Variants in CFAP54 observed in about 807,000 individuals in gnomAD.
CFAP54 encodes cilia- and flagella-associated protein 54.
Under a neutral mutation model 370.4 loss-of-function variants are expected in CFAP54, and 290 were observed. The ratio of observed to expected loss-of-function variants is 0.78; its 90% confidence interval spans 0.71 to 0.86. CFAP54 has a LOEUF of 0.86. CFAP54 is among the 40% of genes least tolerant of loss of function. The pLI, the probability that CFAP54 is intolerant of heterozygous loss-of-function variation, is 0.00. For synonymous variants in CFAP54, 1,206 were observed against 1,236.5 expected, an observed-to-expected ratio of 0.98 and a Z score of 0.52; for missense variants, 3,399 against 3,528.7, an observed-to-expected ratio of 0.96 and a Z score of 0.93.
chr12:96,505,234 T>C (rs1353322378), intron 3 of CFAP54, among the ~76,000 whole-genome samples: 1 of 151,916 alleles, frequency 6.6e-6, no homozygotes, highest in African/African-American at 2.4e-5. Flanking sequence ...CGGCTAATTT[T>C]TGTATTTTTA....
intron 65 of CFAP54, among the ~76,000 whole-genome samples, chr12:96,826,868 T>TGATATATTATATAATATATTATATAA (rs1555340404): frequency 8.6e-6 from 1 of 116,908 alleles, no homozygotes; most frequent in East Asian, 2.8e-4. Flanking sequence ...TTATATAATA[T>TGATATATTATATAATATATTATATAA]TATGATATAT....
chr12:96,516,826 C>G (rs1469274075), intron 5 of CFAP54, among the ~76,000 whole-genome samples: 2 of 152,100 alleles, frequency 1.3e-5, no homozygotes, highest in Non-Finnish European at 2.9e-5. Context: ...ACTTTAAGTC[C>G]TAACTTTGAA....
At chr12:96,746,153 C>G (rs985785784) in intron 55 of CFAP54, among the ~76,000 whole-genome samples, 6 of 152,160 alleles carry the variant, frequency 3.9e-5, no homozygotes, top group Non-Finnish European at 7.3e-5. Flanking sequence ...TTACCCCTCT[C>G]TCACATGTTT....
At chr12:96,659,793 G>A (rs1234211502) in intron 38 of CFAP54, among the ~76,000 whole-genome samples, 1 of 152,224 alleles carries the variant, frequency 6.6e-6, no homozygotes, top group Non-Finnish European at 1.5e-5. Context: ...CGTGGGGCCT[G>A]AAATCCAGCC....
chr12:96,789,609 A>T (rs1224500552), intron 62 of CFAP54, among the ~76,000 whole-genome samples: 7 of 152,324 alleles, frequency 4.6e-5, no homozygotes, highest in Non-Finnish European at 1.0e-4. Flanking sequence ...GCTCTGCTTG[A>T]GTATTTTAGT....
At chr12:96,752,126 G>T (rs1254775088) in intron 55 of CFAP54, among the ~76,000 whole-genome samples, 3 of 149,832 alleles carry the variant, frequency 2.0e-5, no homozygotes, top group African/African-American at 5.0e-5. Context: ...GAGAGAGAGA[G>T]AGAGAGATTG....
At chr12:96,644,505 G>A in intron 33 of CFAP54, 97 bp downstream of exon 33, 1 of 857,998 alleles carries the variant, frequency 1.2e-6, no homozygotes, top group African/African-American at 1.7e-5. Context: ...AACTTAAGGA[G>A]GTTTACAGAG....
At chr12:96,657,708 C>A (rs773844911) in intron 36 of CFAP54, among the ~76,000 whole-genome samples, 174 bp from the exon 37 acceptor site, 1 of 152,172 alleles carries the variant, frequency 6.6e-6, no homozygotes, top group African/African-American at 2.4e-5. Context: ...TCACAGCAAG[C>A]TTTACTGGAT....
intron 8 of CFAP54, among the ~76,000 whole-genome samples, chr12:96,526,208 C>A (rs566892959): frequency 1.7e-4 from 26 of 152,290 alleles, no homozygotes; most frequent in African/African-American, 6.3e-4. Flanking sequence ...ACTAAAACTA[C>A]GGTTCTTATT....
intron 50 of CFAP54, among the ~76,000 whole-genome samples, chr12:96,730,596 A>G (rs1957909677): frequency 6.6e-6 from 1 of 152,248 alleles, no homozygotes; most frequent in Admixed American, 6.5e-5. Flanking sequence ...ATCAAGTTAG[A>G]TGAAAAATAT....
intron 39 of CFAP54, among the ~76,000 whole-genome samples, chr12:96,664,467 C>CT (rs1481992620): frequency 2.0e-5 from 3 of 151,900 alleles, no homozygotes; most frequent in Non-Finnish European, 4.4e-5. Context: ...TGATCTAATT[C>CT]TTTTTTATGA....
At chr12:96,824,009 G>T (rs112535017) in intron 65 of CFAP54, among the ~76,000 whole-genome samples, 5 of 152,310 alleles carry the variant, frequency 3.3e-5, no homozygotes, top group South Asian at 4.1e-4. Context: ...CCAAATCTAA[G>T]AATTGGCTTT....
chr12:96,756,376 A>G (rs770669658), intron 56 of CFAP54, 82 bp from the exon 57 acceptor site: 12 of 760,130 alleles, frequency 1.6e-5, no homozygotes, highest in Non-Finnish European at 2.5e-5. Flanking sequence ...AATATTCTGA[A>G]TTTCCAGCAT....
At chr12:96,874,492 A>C (rs1960243353) in intron 67 of CFAP54, among the ~76,000 whole-genome samples, 1 of 152,070 alleles carries the variant, frequency 6.6e-6, no homozygotes, top group African/African-American at 2.4e-5. Context: ...CTGATTGGTT[A>C]ATATCAGGTT....
At chr12:96,743,013 T>C (rs1318636995) in intron 52 of CFAP54, among the ~76,000 whole-genome samples, 1 of 152,190 alleles carries the variant, frequency 6.6e-6, no homozygotes, top group African/African-American at 2.4e-5. Context: ...CAATTGTACC[T>C]ACTTTATAGG....
chr12:96,748,564 T>C (rs1421403), intron 55 of CFAP54, among the ~76,000 whole-genome samples: 130,958 of 152,172 alleles, frequency 0.86, 56,764 homozygotes, highest in African/African-American at 0.96. Context: ...CCATGTTCTC[T>C]GCAAATACCT....
chr12:96,827,037 T>TAATATGCAATTATATGTGATTATATAA (rs1959124484), intron 65 of CFAP54, among the ~76,000 whole-genome samples: 1 of 137,924 alleles, frequency 7.3e-6, no homozygotes, highest in Non-Finnish European at 1.5e-5. Context: ...TGATTATATA[T>TAATATGCAATTATATGTGATTATATAA]AATATGCAAT....
intron 14 of CFAP54, among the ~76,000 whole-genome samples, chr12:96,544,661 A>G (rs1269233693): frequency 6.6e-6 from 1 of 152,212 alleles, no homozygotes; most frequent in East Asian, 1.9e-4. Flanking sequence ...AGAGGCCAGG[A>G]AGAATCTGAA....
At chr12:96,699,501 TAAAAG>T (rs1269528955) in intron 45 of CFAP54, among the ~76,000 whole-genome samples, 1 of 152,148 alleles carries the variant, frequency 6.6e-6, no homozygotes, top group Non-Finnish European at 1.5e-5. Flanking sequence ...AAGTTAAAAA[TAAAAG>T]AAAATTAGTA....
Sources: allele counts gnomAD v4.1 joint callset (sites outside exome capture counted in the v4.1 genomes callset), GRCh38; gene constraint gnomAD v4.1.1; transcripts MANE v1.5; gene names NCBI Gene and HGNC (gene_info 2026-07-23, HGNC 2026-07-21).